Variants in FZD3 observed in about 807,000 individuals in gnomAD.
FZD3 encodes frizzled class receptor 3.
FZD3 carries 30 observed loss-of-function variants against 60.7 expected under a neutral mutation model. The ratio of observed to expected loss-of-function variants is 0.49; its 90% CI spans 0.37 to 0.67. The LOEUF (loss-of-function observed/expected upper bound fraction) is 0.67, where lower values mean the gene tolerates loss of function less well. FZD3 is among the 30% of genes least tolerant of loss of function. The probability of loss-of-function intolerance (pLI) is 0.00; values close to 1 mark genes in which losing one functional copy is unlikely to be tolerated. For missense variants in FZD3, 605 were observed against 838.7 expected, an observed-to-expected ratio of 0.72 and a Z score of 3.44; for synonymous variants, 246 against 275.2, an observed-to-expected ratio of 0.89 and a Z score of 1.05.
intron 7 of FZD3, among the ~76,000 whole-genome samples, chr8:28,557,948 G>T (rs1428735056): frequency 6.6e-6 from 1 of 152,202 alleles, no homozygotes; most frequent in Non-Finnish European, 1.5e-5. Flanking sequence ...ATAAATCATA[G>T]AAAGTGAAAG....
In FZD3 at chr8:28,561,249, G is replaced by T. The variant is rs550491960; in HGVS notation, c.1788-1549G>T. 2.6e-5 allele frequency among the ~76,000 whole-genome samples: 4 copies of T among 152,128 alleles called. No individual in the cohort carries two copies. The East Asian group carries it at 7.7e-4, about 29-fold the overall frequency. ...TTTTTGTATTTTTAGTAGAGACAGG[G>T]TTTTACCACATTCGCCAGGCTGGTC... On this transcript the variant is annotated intron_variant, in intron 7 of 7. Coordinates refer to ENST00000240093, the MANE Select transcript of FZD3 (RefSeq NM_017412.4).
At chr8:28,532,450 A>G (rs1288866732) in intron 5 of FZD3, among the ~76,000 whole-genome samples, 1 of 152,144 alleles carries the variant, frequency 6.6e-6, no homozygotes, top group African/African-American at 2.4e-5. Flanking sequence ...ATTTATTGTG[A>G]CAAAGTCTCG....
intron 3 of FZD3, among the ~76,000 whole-genome samples, chr8:28,515,384 G>A (rs1158305763): frequency 1.3e-5 from 2 of 152,204 alleles, no homozygotes; most frequent in Admixed American, 6.5e-5. Context: ...GGGCAGGAAC[G>A]AAAGGAAGTA....
chr8:28,517,896 C>T (rs774790355), intron 3 of FZD3, among the ~76,000 whole-genome samples: 11 of 152,024 alleles, frequency 7.2e-5, no homozygotes, highest in Non-Finnish European at 1.2e-4. Context: ...AGTTATATCA[C>T]CCTGTCTCTT....
intron 5 of FZD3, among the ~76,000 whole-genome samples, chr8:28,548,050 A>G (rs557533144): frequency 5.3e-5 from 8 of 151,888 alleles, no homozygotes; most frequent in East Asian, 1.9e-4. Context: ...ACGGGGTTTC[A>G]CCATATTGGT....
chr8:28,523,164 A>C (rs141538967), intron 4 of FZD3, among the ~76,000 whole-genome samples: 2 of 152,206 alleles, frequency 1.3e-5, no homozygotes, highest in South Asian at 4.1e-4. Flanking sequence ...TTGTGCTGCT[A>C]TAACAAAATA....
chr8:28,500,501 TAA>T (rs1803959978), intron 2 of FZD3, among the ~76,000 whole-genome samples: 3 of 152,210 alleles, frequency 2.0e-5, no homozygotes, highest in Admixed American at 1.3e-4. Flanking sequence ...TAGATTAGTT[TAA>T]ATGAAATTTT....
intron 5 of FZD3, among the ~76,000 whole-genome samples, chr8:28,529,392 A>C (rs1286083046): frequency 3.3e-5 from 5 of 152,200 alleles, no homozygotes; most frequent in African/African-American, 9.7e-5. Flanking sequence ...TAAGGATTAC[A>C]GATAACTTTT....
intron 1 of FZD3, among the ~76,000 whole-genome samples, chr8:28,494,690 C>T (rs1433489326): frequency 6.6e-6 from 1 of 152,048 alleles, no homozygotes; most frequent in Non-Finnish European, 1.5e-5. Context: ...GAGCCCGCGG[C>T]TCGGCAACCT....
intron 7 of FZD3, among the ~76,000 whole-genome samples, chr8:28,556,601 T>G (rs779240784): frequency 6.6e-6 from 1 of 151,638 alleles, no homozygotes; most frequent in Non-Finnish European, 1.5e-5. Context: ...TTAGCAAACG[T>G]TTTCCGTGAA....
At chr8:28,557,704 T>A (rs1196794351) in intron 7 of FZD3, among the ~76,000 whole-genome samples, 1 of 152,244 alleles carries the variant, frequency 6.6e-6, no homozygotes, top group Non-Finnish European at 1.5e-5. Context: ...CCTCTCTACC[T>A]GCCTGAACTG....
chr8:28,561,142 C>T (rs1240030284), intron 7 of FZD3, among the ~76,000 whole-genome samples: 4 of 152,122 alleles, frequency 2.6e-5, no homozygotes, highest in South Asian at 2.1e-4. Context: ...CTGCAACCTC[C>T]GCCTCCGACA....
chr8:28,524,162 C>A (rs988911755), intron 4 of FZD3, among the ~76,000 whole-genome samples: 4 of 152,138 alleles, frequency 2.6e-5, no homozygotes, highest in Non-Finnish European at 1.5e-5. Context: ...TCTAAAAATT[C>A]ATGGACACCC....
intron 2 of FZD3, among the ~76,000 whole-genome samples, chr8:28,500,770 T>C (rs1478864586): frequency 1.3e-5 from 2 of 152,206 alleles, no homozygotes; most frequent in African/African-American, 4.8e-5. Flanking sequence ...AGTTTTCTTT[T>C]TTTTTTCTGA....
chr8:28,526,287 A>G (rs908803455), intron 4 of FZD3, among the ~76,000 whole-genome samples: 1 of 152,278 alleles, frequency 6.6e-6, no homozygotes, highest in South Asian at 2.1e-4. Flanking sequence ...TATTCCAGCA[A>G]TAACACACCC....
At chr8:28,543,373 A>G (rs758287957) in intron 5 of FZD3, among the ~76,000 whole-genome samples, 4 of 147,478 alleles carry the variant, frequency 2.7e-5, no homozygotes, top group Non-Finnish European at 5.9e-5. Context: ...GCCACACTCC[A>G]CTGTTTTTGT....
At chr8:28,532,545 T>TC (rs1203634054) in intron 5 of FZD3, among the ~76,000 whole-genome samples, 2 of 151,858 alleles carry the variant, frequency 1.3e-5, no homozygotes, top group African/African-American at 4.8e-5. Flanking sequence ...TCCTGCCTCA[T>TC]CCCCCCAAGT....
At chr8:28,545,837 A>G (rs1296192216) in intron 5 of FZD3, among the ~76,000 whole-genome samples, 1 of 152,250 alleles carries the variant, frequency 6.6e-6, no homozygotes, top group African/African-American at 2.4e-5. Context: ...TGTATAAATA[A>G]TATTATAGAT....
At chr8:28,541,271 T>A (rs1232857973) in intron 5 of FZD3, among the ~76,000 whole-genome samples, 1 of 152,234 alleles carries the variant, frequency 6.6e-6, no homozygotes, top group African/African-American at 2.4e-5. Context: ...CAGGTGTTAT[T>A]TGAGTTGCTT....
Sources: gnomAD v4.1 joint callset for allele counts (sites outside exome capture counted in the v4.1 genomes callset) on GRCh38, gnomAD v4.1.1 for gene constraint, MANE v1.5 for transcripts, NCBI Gene and HGNC (gene_info 2026-07-23, HGNC 2026-07-21) for gene names.